SAMMSON: variants seen among roughly 807,000 people sequenced by gnomAD.
The protein encoded by SAMMSON is survival associated mitochondrial melanoma specific oncogenic non-coding RNA.
At chr3:70,161,853 A>AT (rs2067616897) in intron 4 of SAMMSON, among the ~76,000 whole-genome samples, 1 of 148,738 alleles carries the variant, frequency 6.7e-6, no homozygotes, top group Admixed American at 6.8e-5. Context: ...CAAATTTTCT[A>AT]TTTTTTCTTG....
intron 2 of SAMMSON, among the ~76,000 whole-genome samples, chr3:70,410,010 T>A (rs888988178): frequency 6.6e-6 from 1 of 151,030 alleles, no homozygotes; most frequent in East Asian, 2.0e-4. Context: ...GTCCCCAGTC[T>A]ACTGTTGCCA....
chr3:70,336,814 TTGTGTGTGTG>T (rs71126494), intron 7 of SAMMSON, among the ~76,000 whole-genome samples: 69 of 126,656 alleles, frequency 5.4e-4, no homozygotes, highest in African/African-American at 1.7e-3. Context: ...AATAGAAAGT[TTGTGTGTGTG>T]TGTGTGTGTG....
chr3:70,188,421 A>G (rs1476686675), intron 4 of SAMMSON, among the ~76,000 whole-genome samples: 1 of 152,202 alleles, frequency 6.6e-6, no homozygotes, highest in Non-Finnish European at 1.5e-5. Flanking sequence ...ATTACCTACT[A>G]CAGGAGGTAT....
intron 3 of SAMMSON, among the ~76,000 whole-genome samples, chr3:70,046,169 A>G (rs2067126473): frequency 6.6e-6 from 1 of 152,006 alleles, no homozygotes; most frequent in Non-Finnish European, 1.5e-5. Flanking sequence ...CTTTGGCACA[A>G]CTCCATGCCT....
At chr3:70,211,387 TTTCCCTTCCCTTCCTTTTG>T (rs1701344852) in intron 4 of SAMMSON, among the ~76,000 whole-genome samples, 1 of 3,660 alleles carries the variant, frequency 2.7e-4, no homozygotes. Context: ...CTTTCCTTCC[TTTCCCTTCCCTTCCTTTTG>T]CCCTTCCCTT....
intron 7 of SAMMSON, among the ~76,000 whole-genome samples, chr3:70,314,259 A>T (rs1702479819): frequency 6.6e-6 from 1 of 152,206 alleles, no homozygotes; most frequent in South Asian, 2.1e-4. Flanking sequence ...CCCACAAATT[A>T]ATAATCATTA....
At chr3:70,345,866 C>T (rs1702746830) in intron 7 of SAMMSON, among the ~76,000 whole-genome samples, 1 of 152,086 alleles carries the variant, frequency 6.6e-6, no homozygotes, top group Non-Finnish European at 1.5e-5. Flanking sequence ...TATGCTTGTA[C>T]CACAGTTTGA....
intron 4 of SAMMSON, chr3:70,204,983 A>G (rs533175432): frequency 2.0e-5 from 3 of 152,156 alleles, no homozygotes; most frequent in African/African-American, 7.2e-5. Context: ...CTCTGCCATT[A>G]CCTGTTTTCT....
At chr3:70,134,135 C>T (rs2067496056) in intron 4 of SAMMSON, among the ~76,000 whole-genome samples, 1 of 150,764 alleles carries the variant, frequency 6.6e-6, no homozygotes, top group African/African-American at 2.4e-5. Flanking sequence ...TGGCAGGTGC[C>T]TGTAATCCCA....
chr3:70,203,991 C>A (rs555931387), intron 4 of SAMMSON, among the ~76,000 whole-genome samples: 1 of 152,280 alleles, frequency 6.6e-6, no homozygotes, highest in African/African-American at 2.4e-5. Flanking sequence ...AATGTTTCAG[C>A]ACACAGTGTG....
chr3:70,022,232 C>T (rs73836004), intron 3 of SAMMSON, among the ~76,000 whole-genome samples: 6,816 of 140,190 alleles, frequency 0.049, 349 homozygotes, highest in African/African-American at 0.13. Flanking sequence ...TCCAACTGGC[C>T]CCCCAAATGT....
chr3:70,233,170 C>G (rs1243607139), intron 4 of SAMMSON, among the ~76,000 whole-genome samples: 1 of 152,190 alleles, frequency 6.6e-6, no homozygotes, highest in Admixed American at 6.5e-5. Context: ...GCCTGGGCAA[C>G]AGAGTCTCAG....
At chr3:70,300,018 A>G (rs928118356) in intron 7 of SAMMSON, among the ~76,000 whole-genome samples, 1 of 152,080 alleles carries the variant, frequency 6.6e-6, no homozygotes, top group African/African-American at 2.4e-5. Flanking sequence ...ATCATATTCC[A>G]TCAGTTTGTA....
chr3:70,387,986 T>C (rs1291198224), intron 9 of SAMMSON, among the ~76,000 whole-genome samples: 1 of 152,132 alleles, frequency 6.6e-6, no homozygotes. Context: ...TGGTTTGTTT[T>C]GGTTTTGTTT....
chr3:70,273,891 C>A (rs987871706), intron 6 of SAMMSON, among the ~76,000 whole-genome samples: 1 of 152,144 alleles, frequency 6.6e-6, no homozygotes, highest in African/African-American at 2.4e-5. Flanking sequence ...AAGACTTGAA[C>A]TCCTAGGCTC....
chr3:70,393,684 C>T (rs563301036), downstream of SAMMSON, among the ~76,000 whole-genome samples: 20 of 152,172 alleles, frequency 1.3e-4, no homozygotes, highest in African/African-American at 4.3e-4. Flanking sequence ...TGAAGGATGG[C>T]AAGGAGTTGG....
chr3:70,035,889 T>A (rs2067083484), intron 3 of SAMMSON, among the ~76,000 whole-genome samples: 1 of 152,150 alleles, frequency 6.6e-6, no homozygotes, highest in African/African-American at 2.4e-5. Flanking sequence ...GTAATGTAAC[T>A]GACCAAATAA....
chr3:70,019,980 A>C (rs748479454), intron 3 of SAMMSON, among the ~76,000 whole-genome samples: 1 of 152,146 alleles, frequency 6.6e-6, no homozygotes, highest in Non-Finnish European at 1.5e-5. Flanking sequence ...TGCTTCTTCA[A>C]GTCCAGAATC....
At chr3:70,278,081 A>G (rs1241845618) in intron 6 of SAMMSON, among the ~76,000 whole-genome samples, 1 of 152,152 alleles carries the variant, frequency 6.6e-6, no homozygotes, top group Non-Finnish European at 1.5e-5. Flanking sequence ...CAACATAGAC[A>G]GCTCTCATCA....
Sources: allele counts gnomAD v4.1 joint callset (sites outside exome capture counted in the v4.1 genomes callset), GRCh38; gene constraint gnomAD v4.1.1; transcripts MANE v1.5; gene names NCBI Gene and HGNC (gene_info 2026-07-23, HGNC 2026-07-21).